Variants in KIF1A observed in about 807,000 individuals in gnomAD.
KIF1A encodes kinesin-like protein KIF1A.
A neutral mutation model predicts 227.3 loss-of-function variants in KIF1A; 46 were observed. The observed-to-expected ratio is 0.20, with a 90% CI of 0.16 to 0.26. The LOEUF (loss-of-function observed/expected upper bound fraction) is 0.26, where lower values mean the gene tolerates loss of function less well. KIF1A is among the 10% of genes least tolerant of loss of function. The probability of loss-of-function intolerance (pLI) is 1.00; values close to 1 mark genes in which losing one functional copy is unlikely to be tolerated. For synonymous variants in KIF1A, 1,022 were observed against 1,012.8 expected (o/e 1.01, Z -0.17); for missense variants, 1,683 against 2,485.9 (o/e 0.68, Z 6.87).
rs566242502 is a variant in KIF1A at position 240,736,390 on chromosome 2, G to T, written c.4007+673C>A. Among the ~76,000 whole-genome samples the T allele has an allele frequency of 2.6e-5, 4 of 151,856 alleles. No individual in the cohort carries two copies. On this transcript the variant is annotated intron_variant, in intron 38 of 48. Coordinates refer to ENST00000498729, the MANE Select transcript of KIF1A (RefSeq NM_001244008.2). This position sits in a 1 kb window ranked among gnomAD's most constrained non-coding sequence, Gnocchi z 4.7. ...CAGCGTCTGGGACGCAGTGGAGCCC[G>T]CGGGACGTCCCCACCCACCAGGGCT...
chr2:240,804,084 G>A (rs997862676), intron 1 of KIF1A, among the ~76,000 whole-genome samples: 1 of 152,150 alleles, frequency 6.6e-6, no homozygotes, highest in African/African-American at 2.4e-5. Flanking sequence ...TGGCCAAGAC[G>A]GTGAAACCCC....
At chr2:240,781,408 G>C (rs1318469579) in intron 10 of KIF1A, among the ~76,000 whole-genome samples, 5 of 10,056 alleles carry the variant, frequency 5.0e-4, no homozygotes, top group Non-Finnish European at 5.4e-4. Context: ...CACACACACA[G>C]CTCCACACAC....
rs1000827893 is a variant in KIF1A at position 240,716,107 on chromosome 2, G to A, written c.*1257C>T. ...GGGTGAAATGGGACAAGAACAAAGG[G>A]ACACCGCAGATGCAGCAGCGAAGAG... On this transcript the variant is annotated 3_prime_UTR_variant, in exon 49 of 49. Transcript: ENST00000498729. 3 of 152,126 alleles carry A rather than the reference G, an allele frequency of 2.0e-5. No individual in the cohort carries two copies. The highest frequency in any genetic ancestry group is 7.3e-5 in the African/African-American group (3 of 41,340). 9.4% of individuals were successfully genotyped at this position (152,126 alleles called of 1,614,324 possible).
chr2:240,719,886 C>G lies in KIF1A; in HGVS notation c.4909G>C (p.Glu1637Gln). 6.2e-7 allele frequency: 1 copy of G among 1,611,692 alleles called. No individual in the cohort carries two copies. The highest frequency in any genetic ancestry group is 1.7e-5 in the Admixed American group (1 of 59,932). The change falls in exon 46 of 49, where the codon GAG becomes CAG. Residue 1637 changes from glutamate to glutamine, a missense_variant. Physicochemically the swap from Glu to Gln is conservative, Grantham distance 29 (BLOSUM62 2). Coordinates refer to ENST00000498729, the MANE Select transcript of KIF1A (RefSeq NM_001244008.2). Reference sequence around the variant, plus strand: ...TTGGAGTCGGCCTCTGGCAGCAGCTCGGGCTCTGGGCTGGCTGGCCGGGAG... The same window carrying G: ...TTGGAGTCGGCCTCTGGCAGCAGCTGGGGCTCTGGGCTGGCTGGCCGGGAG... ...PCSRPASPEPELLPEADSKKL... is the reference protein window; with the variant it reads ...PCSRPASPEPQLLPEADSKKL...
At chr2:240,784,944 C>T (rs372635566) in intron 7 of KIF1A, 45 bp downstream of exon 7, 9 of 1,510,624 alleles carry the variant, frequency 6.0e-6, no homozygotes, top group Non-Finnish European at 8.3e-6. Context: ...CCCTGACCAC[C>T]AGCCACTGCC....
At chr2:240,762,843 C>A (rs776581803) in intron 22 of KIF1A, 31 bp from the exon 23 acceptor site, 3 of 1,549,884 alleles carry the variant, frequency 1.9e-6, no homozygotes, top group Admixed American at 1.9e-5. Flanking sequence ...GACTCCACTA[C>A]GGCCCTACCT....
At chr2:240,795,154 C>T (rs2056220390) in intron 2 of KIF1A, among the ~76,000 whole-genome samples, 2 of 152,070 alleles carry the variant, frequency 1.3e-5, no homozygotes, top group South Asian at 4.1e-4. Context: ...TACCAGTTGC[C>T]CAAAAAAAGT....
Position 240,766,722 on chromosome 2 carries a change from A to ATCTCTCTCTCTCTC in KIF1A, c.1684+179_1684+192dup, listed in dbSNP as rs67736580. On this transcript the variant is annotated intron_variant, in intron 19 of 48. Transcript: ENST00000498729. The surrounding 1 kb of genome is among the most constrained non-coding windows in gnomAD (Gnocchi z 5.0). ...CCCAAATATCTCTCTCTCTCTCCAAATCTCTCTCTCTCTCTCTCTCTCTCT... is the reference window on the plus strand; with the variant it reads ...CCCAAATATCTCTCTCTCTCTCCAAATCTCTCTCTCTCTCTCTCTCTCTCTCTCTCTCTCTCTCT... 8.1e-6 allele frequency among the ~76,000 whole-genome samples: 1 copy of ATCTCTCTCTCTCTC among 122,704 alleles called. No individual in the cohort carries two copies. The highest frequency in any genetic ancestry group is 2.6e-4 in the East Asian group (1 of 3,892). The allele number at this position is 122,704 out of a possible 152,430, so 80.5% of individuals were successfully genotyped here.
At chr2:240,755,533 C>T (rs1288461933) in intron 27 of KIF1A, among the ~76,000 whole-genome samples, 2 of 152,168 alleles carry the variant, frequency 1.3e-5, no homozygotes, top group Admixed American at 6.5e-5. Flanking sequence ...TTCCCAGGGC[C>T]GGGCCTGCAC....
At chr2:240,748,978 G>A (rs2048910093) in intron 28 of KIF1A, among the ~76,000 whole-genome samples, 1 of 152,038 alleles carries the variant, frequency 6.6e-6, no homozygotes, top group Non-Finnish European at 1.5e-5. Flanking sequence ...AAAATTAGCT[G>A]GGCGTGATGA....
rs1330382271 is a variant in KIF1A at position 240,718,009 on chromosome 2, G to T, written c.5333+41C>A. 2.2e-6 allele frequency: 3 copies of T among 1,339,008 alleles called. 1 individual carries two copies. The South Asian group carries it at 3.7e-5, about 17-fold the overall frequency. 82.9% of individuals were successfully genotyped at this position (1,339,008 alleles called of 1,614,324 possible). ...CCTGGCCAGGAGCCGGTTGAGGGCA[G>T]GACCCCCATGGCAGCAACCTCGCCC... On this transcript the variant is annotated intron_variant, in intron 48 of 48. Coordinates refer to ENST00000498729, the MANE Select transcript of KIF1A (RefSeq NM_001244008.2).
At position 240,719,046 on chromosome 2, in the gene KIF1A, G is replaced by A. The variant is rs1375606600; in HGVS notation, c.5174C>T (p.Ala1725Val). ...VERFVLNLAT[A>V]QVEYSEDQQA... ...CTGGTCCTCACTGTACTCCACCTGG[G>A]CAGTGGCCAGGTTGAGCACGAACCG... Residue 1725 changes from alanine (A) to valine (V), a missense_variant, in exon 47 of 49, where the codon GCC (alanine) becomes GTC (valine). Transcript: ENST00000498729. The A allele has an allele frequency of 6.2e-7, 1 of 1,612,214 alleles. No individual in the cohort carries two copies. Among genetic ancestry groups the A allele is most frequent in the East Asian group, 2.2e-5 (1 of 44,858 alleles).
chr2:240,741,128 C>A (rs996205226), intron 35 of KIF1A, 141 bp downstream of exon 35: 3 of 610,494 alleles, frequency 4.9e-6, no homozygotes, highest in Non-Finnish European at 8.8e-6. Flanking sequence ...TGAGGCCGGG[C>A]CCACAAGAGG....
chr2:240,753,012 C>T (rs2049407020), intron 27 of KIF1A, among the ~76,000 whole-genome samples: 1 of 152,210 alleles, frequency 6.6e-6, no homozygotes, highest in Non-Finnish European at 1.5e-5. Context: ...CTTCCCAAAG[C>T]TTAGGGCAAT....
intron 1 of KIF1A, among the ~76,000 whole-genome samples, chr2:240,812,447 C>T (rs1158187426): frequency 6.6e-6 from 1 of 152,218 alleles, no homozygotes; most frequent in Non-Finnish European, 1.5e-5. Flanking sequence ...ACGCCCTTCA[C>T]CTCTGGGTCT....
intron 15 of KIF1A, 35 bp downstream of exon 15, chr2:240,770,936 G>T (rs1270638850): frequency 6.2e-7 from 1 of 1,604,904 alleles, no homozygotes; most frequent in African/African-American, 1.3e-5. Flanking sequence ...CACTCCCAGA[G>T]TCTGACACCC....
chr2:240,795,292 C>T (rs193233940), intron 2 of KIF1A, among the ~76,000 whole-genome samples: 108 of 152,310 alleles, frequency 7.1e-4, no homozygotes, highest in African/African-American at 2.5e-3. Flanking sequence ...CAGGGCCAGA[C>T]GGGATCCAGG....
At chr2:240,721,975 G>C in intron 43 of KIF1A, 91 bp from the exon 44 acceptor site, 1 of 1,074,058 alleles carries the variant, frequency 9.3e-7, no homozygotes. Context: ...CCCCTCCCCA[G>C]ACACAGGTGG....
At chr2:240,777,540 C>T (rs775208885) in intron 10 of KIF1A, among the ~76,000 whole-genome samples, 5 of 152,184 alleles carry the variant, frequency 3.3e-5, no homozygotes, top group South Asian at 2.1e-4. Context: ...CCCGCTCTCC[C>T]GTCTAGGCCC....
Sources: allele counts gnomAD v4.1 joint callset (sites outside exome capture counted in the v4.1 genomes callset), GRCh38; gene constraint gnomAD v4.1.1; non-coding constraint Gnocchi (gnomAD v3.1); transcripts MANE v1.5; gene names NCBI Gene and HGNC (gene_info 2026-07-23, HGNC 2026-07-21).